Variants in TSNARE1 observed in about 807,000 individuals in gnomAD.
The protein encoded by TSNARE1 is t-SNARE domain-containing protein 1.
TSNARE1 carries 49 observed loss-of-function variants against 62.0 expected under a neutral mutation model. That is an observed-to-expected ratio of 0.79 (90% CI 0.63 to 1.00). The LOEUF (loss-of-function observed/expected upper bound fraction) is 1.00, where lower values mean the gene tolerates loss of function less well. Ranked by LOEUF, TSNARE1 falls within the 50% of genes least tolerant of loss-of-function variation. The pLI is 0.00. For synonymous variants in TSNARE1, 328 were observed against 294.4 expected (o/e 1.11, Z -1.17); for missense variants, 755 against 700.1 (o/e 1.08, Z -0.88).
At chr8:142,318,438 C>A in intron 7 of TSNARE1, 106 bp downstream of exon 7, 5 of 1,128,780 alleles carry the variant, frequency 4.4e-6, no homozygotes, top group Non-Finnish European at 5.1e-6. Flanking sequence ...TCCATCCACA[C>A]ACGTCAGCCT....
chr8:142,274,748 C>A, intron 12 of TSNARE1, 33 bp downstream of exon 12: 2 of 1,471,274 alleles, frequency 1.4e-6, no homozygotes, highest in South Asian at 1.4e-5. Flanking sequence ...GAGGCCGGGC[C>A]GGCCGGGCAC....
chr8:142,344,421 G>A lies in TSNARE1; in HGVS notation c.290C>T (p.Pro97Leu). ...CGAGTCCTTCCTCGGGCCAATGGTG[G>A]GTGATGAGGTGGGCTCCGGCATCCG... ...GSRMPEPTSS[P>L]TIGPRKDSAA... Residue 97 changes from proline to leucine, a missense_variant, in exon 4 of 14, where the codon CCC (proline) becomes CTC (leucine). Transcript: ENST00000524325. 6.3e-7 allele frequency: 1 copy of A among 1,587,792 alleles called. No individual in the cohort carries two copies. Among genetic ancestry groups the A allele is most frequent in the East Asian group, 2.3e-5 (1 of 43,882 alleles).
intron 12 of TSNARE1, among the ~76,000 whole-genome samples, chr8:142,240,337 G>A (rs370461238): frequency 4.6e-5 from 7 of 152,158 alleles, no homozygotes; most frequent in Admixed American, 1.3e-4. Context: ...AAATAGCCAC[G>A]GAATACATAA....
At chr8:142,289,570 A>G (rs1823402738) in intron 10 of TSNARE1, among the ~76,000 whole-genome samples, 1 of 151,904 alleles carries the variant, frequency 6.6e-6, no homozygotes, top group African/African-American at 2.4e-5. Flanking sequence ...CGAACACACC[A>G]CTGTGCTGTC....
chr8:142,213,287 G>A lies in TSNARE1; in HGVS notation c.*12-974C>T, dbSNP rs188527606. On this transcript the variant is annotated intron_variant, in intron 13 of 13. Transcript: ENST00000524325. ...CTTCCCTGCCAGGGAAATCCTGTGC[G>A]GACTCCGGGGCTGGGGAGAATGCCC... is the stretch of plus-strand genomic sequence containing the variant. Among the ~76,000 whole-genome samples the A allele has an allele frequency of 4.8e-3, 640 of 133,346 alleles. 7 individuals are homozygous for A. The highest frequency in any genetic ancestry group is 0.018 in the African/African-American group (608 of 34,234). The allele number at this position is 133,346 out of a possible 152,430, so 87.5% of individuals were successfully genotyped here. A position where few individuals can be genotyped will look rare whatever the true frequency, so the allele number is the denominator to read the frequency against.
intron 11 of TSNARE1, among the ~76,000 whole-genome samples, chr8:142,282,327 C>A (rs1178472036): frequency 2.6e-5 from 4 of 152,248 alleles, no homozygotes; most frequent in African/African-American, 9.6e-5. Flanking sequence ...AATCTCTGGG[C>A]AGAGGCCCAG....
intron 1 of TSNARE1, among the ~76,000 whole-genome samples, chr8:142,376,775 G>A: frequency 6.6e-6 from 1 of 152,132 alleles, no homozygotes; most frequent in Admixed American, 6.5e-5. Context: ...AACCCCGAGT[G>A]GCAGACCCGG....
At chr8:142,330,764 G>C in intron 6 of TSNARE1, 137 bp downstream of exon 6, 1 of 804,576 alleles carries the variant, frequency 1.2e-6, no homozygotes, top group East Asian at 2.6e-5. Context: ...GCATATGTGC[G>C]CACATGTGTG....
At chr8:142,324,236 G>A (rs566541463) in intron 6 of TSNARE1, among the ~76,000 whole-genome samples, 68 of 152,302 alleles carry the variant, frequency 4.5e-4, no homozygotes, top group Non-Finnish European at 8.4e-4. Flanking sequence ...CCCCACGACC[G>A]CTTTACAAAA....
intron 9 of TSNARE1, among the ~76,000 whole-genome samples, chr8:142,310,170 C>T (rs1406938366): frequency 2.6e-5 from 4 of 152,136 alleles, no homozygotes; most frequent in African/African-American, 9.7e-5. Flanking sequence ...TTTGGCTTTG[C>T]TAACTTGCCT....
At chr8:142,391,744 G>C (rs902913244) in intron 1 of TSNARE1, among the ~76,000 whole-genome samples, 1 of 152,230 alleles carries the variant, frequency 6.6e-6, no homozygotes, top group Non-Finnish European at 1.5e-5. Context: ...CGCAGCAGCC[G>C]GCATGCCTGG....
chr8:142,308,116 T>C (rs1826985838), intron 9 of TSNARE1, among the ~76,000 whole-genome samples: 1 of 152,248 alleles, frequency 6.6e-6, no homozygotes, highest in Non-Finnish European at 1.5e-5. Flanking sequence ...ATTTGTAAGA[T>C]ATCTTTATAT....
chr8:142,277,753 C>G (rs1203690900), intron 11 of TSNARE1: 1 of 985,424 alleles, frequency 1.0e-6, no homozygotes, highest in Admixed American at 6.1e-5. Flanking sequence ...AGTGGCTGAT[C>G]CACCAGGGGT....
At chr8:142,273,620 A>C (rs1292804397) in intron 12 of TSNARE1, 1 of 985,200 alleles carries the variant, frequency 1.0e-6, no homozygotes, top group Non-Finnish European at 1.2e-6. Context: ...GGTGACCTGA[A>C]CCTTCTGAGT....
chr8:142,270,439 A>G, intron 12 of TSNARE1: 1 of 984,900 alleles, frequency 1.0e-6, no homozygotes, highest in South Asian at 4.7e-5. Flanking sequence ...TACAGGTACA[A>G]AATGTCATCC....
intron 3 of TSNARE1, among the ~76,000 whole-genome samples, chr8:142,345,427 C>G (rs771759067): frequency 9.2e-5 from 14 of 152,228 alleles, no homozygotes; most frequent in Non-Finnish European, 1.8e-4. Flanking sequence ...TGCACAAGGA[C>G]AGTCGGGCTT....
intron 12 of TSNARE1, chr8:142,273,081 C>T (rs909122735): frequency 2.0e-5 from 20 of 985,278 alleles, no homozygotes; most frequent in South Asian, 4.7e-5. Flanking sequence ...GTCGGGGGGG[C>T]GGTGCCTGCT....
chr8:142,335,201 C>T (rs1204359716), intron 4 of TSNARE1, among the ~76,000 whole-genome samples: 3 of 151,360 alleles, frequency 2.0e-5, no homozygotes, highest in Admixed American at 1.3e-4. Flanking sequence ...ACCACCTCAA[C>T]GAGGCGGGGT....
chr8:142,374,880 A>C (rs1482829257), intron 1 of TSNARE1, among the ~76,000 whole-genome samples: 1 of 151,838 alleles, frequency 6.6e-6, no homozygotes, highest in Non-Finnish European at 1.5e-5. Flanking sequence ...CCCTGGGAAG[A>C]CCCCACACAC....
Sources: gnomAD v4.1 joint callset for allele counts (sites outside exome capture counted in the v4.1 genomes callset) on GRCh38, gnomAD v4.1.1 for gene constraint, MANE v1.5 for transcripts, NCBI Gene and HGNC (gene_info 2026-07-23, HGNC 2026-07-21) for gene names.